The following CNTN3 variants were observed in gnomAD, a reference collection of about 807,000 sequenced individuals.
CNTN3 encodes the protein contactin-3.
Under a neutral mutation model 119.1 loss-of-function variants are expected in CNTN3, and 60 were observed. The observed-to-expected ratio is 0.50, with a 90% CI of 0.41 to 0.62. The LOEUF (loss-of-function observed/expected upper bound fraction) is 0.62. CNTN3 is among the 20% of genes least tolerant of loss of function. CNTN3 has a pLI of 0.00. For missense variants in CNTN3, 1,101 were observed against 1,242.4 expected, an observed-to-expected ratio of 0.89 and a Z score of 1.71; for synonymous variants, 450 against 438.7, an observed-to-expected ratio of 1.03 and a Z score of -0.32.
intron 1 of CNTN3, among the ~76,000 whole-genome samples, chr3:74,595,498 A>G (rs1203985639): frequency 6.6e-6 from 1 of 152,142 alleles, no homozygotes; most frequent in African/African-American, 2.4e-5. Context: ...ACCATGATCA[A>G]GTGGGCTTCA....
chr3:74,267,213 G>C (rs1001309984), intron 21 of CNTN3, 53 bp downstream of exon 21: 3 of 1,137,122 alleles, frequency 2.6e-6, no homozygotes, highest in Admixed American at 3.5e-5. Context: ...AGCTTCTCTT[G>C]AAAAGTACTG....
intron 13 of CNTN3, among the ~76,000 whole-genome samples, chr3:74,320,789 CA>C (rs1034503824): frequency 1.7e-4 from 26 of 152,186 alleles, no homozygotes; most frequent in African/African-American, 5.5e-4. Context: ...ACCTTTAGAG[CA>C]CACTTTTATT....
At chr3:74,397,814 A>C (rs973803737) in intron 5 of CNTN3, among the ~76,000 whole-genome samples, 9 of 152,230 alleles carry the variant, frequency 5.9e-5, no homozygotes, top group African/African-American at 2.2e-4. Flanking sequence ...CAAAACATCA[A>C]CATTAACAGG....
At chr3:74,348,852 T>C (rs1439269671) in intron 11 of CNTN3, among the ~76,000 whole-genome samples, 2 of 151,870 alleles carry the variant, frequency 1.3e-5, no homozygotes, top group African/African-American at 2.4e-5. Flanking sequence ...GAGGCAGAAG[T>C]AGGAGGACTG....
In CNTN3 at chr3:74,262,665, A is replaced by G. The variant is rs1055478447; in HGVS notation, c.*1736T>C. Reference sequence around the variant, plus strand: ...TGAAAGATAAATTTTATACTTTTCAATATGAAACAAAGTGCATATCTCATG... The same window carrying G: ...TGAAAGATAAATTTTATACTTTTCAGTATGAAACAAAGTGCATATCTCATG... On this transcript the variant is annotated 3_prime_UTR_variant, in exon 23 of 23. Coordinates refer to ENST00000263665, the MANE Select transcript of CNTN3 (RefSeq NM_020872.3). 5.9e-5 allele frequency: 9 copies of G among 152,626 alleles called. No individual in the cohort carries two copies. The highest frequency in any genetic ancestry group is 2.2e-4 in the African/African-American group (9 of 41,476). 9.5% of individuals were successfully genotyped at this position (152,626 alleles called of 1,614,324 possible).
intron 13 of CNTN3, among the ~76,000 whole-genome samples, chr3:74,334,123 T>A (rs1023178146): frequency 2.0e-5 from 3 of 152,188 alleles, no homozygotes; most frequent in Admixed American, 2.0e-4. Context: ...TAATGTGGAA[T>A]CATCACAAAA....
Position 74,504,766 on chromosome 3 carries a change from T to C in CNTN3, c.56-4981A>G, listed in dbSNP as rs536368417. On this transcript the variant is annotated intron_variant, in intron 2 of 22. Transcript: ENST00000263665. Reference sequence around the variant, plus strand: ...TGGAGACTGAAAGCTCCAGAGATACTTTCCACAACTCTTTGTCATTCTCGG... The same window carrying C: ...TGGAGACTGAAAGCTCCAGAGATACCTTCCACAACTCTTTGTCATTCTCGG... 2.7e-5 allele frequency among the ~76,000 whole-genome samples: 3 copies of C among 112,718 alleles called. No individual in the cohort carries two copies. In the South Asian group the frequency reaches 7.6e-4, roughly 28 times the overall value. The allele number at this position is 112,718 out of a possible 152,430, so 73.9% of individuals were successfully genotyped here. A position where few individuals can be genotyped will look rare whatever the true frequency, so the allele number is the denominator to read the frequency against.
intron 4 of CNTN3, among the ~76,000 whole-genome samples, chr3:74,477,350 T>G (rs1702676454): frequency 6.6e-6 from 1 of 151,986 alleles, no homozygotes; most frequent in Non-Finnish European, 1.5e-5. Flanking sequence ...TTTTGGCAAA[T>G]GAGGGCAAAA....
At position 74,342,928 on chromosome 3, in the gene CNTN3, G is replaced by C. The variant is rs183246844; in HGVS notation, c.1365-6270C>G. On this transcript the variant is annotated intron_variant, in intron 11 of 22. Coordinates refer to ENST00000263665, the MANE Select transcript of CNTN3 (RefSeq NM_020872.3). The stretch of plus-strand genomic sequence containing the variant: ...AAAAATTATAAATACTCAGACGCAC[G>C]AAGTAGTAACACAAACAAAGGAAAA... 2.5e-3 allele frequency among the ~76,000 whole-genome samples: 388 copies of C among 152,198 alleles called. 10 individuals are homozygous for C. The South Asian group carries it at 0.032, about 13-fold the overall frequency.
intron 1 of CNTN3, among the ~76,000 whole-genome samples, 195 bp from the exon 2 acceptor site, chr3:74,521,387 A>G (rs1703540771): frequency 6.6e-6 from 1 of 151,420 alleles, no homozygotes; most frequent in Admixed American, 6.6e-5. Context: ...ACTCATAGGT[A>G]GATGGAAACG....
intron 1 of CNTN3, among the ~76,000 whole-genome samples, chr3:74,600,909 A>G (rs1320302869): frequency 6.6e-6 from 1 of 152,012 alleles, no homozygotes; most frequent in African/African-American, 2.4e-5. Context: ...TTCCTTGATC[A>G]TTCTACCTCA....
At chr3:74,337,701 CAT>C (rs1703431731) in intron 11 of CNTN3, among the ~76,000 whole-genome samples, 1 of 152,084 alleles carries the variant, frequency 6.6e-6, no homozygotes, top group Admixed American at 6.5e-5. Flanking sequence ...CCTCCCACAA[CAT>C]GTGGGAATTA....
At chr3:74,435,617 G>T (rs954273790) in intron 4 of CNTN3, among the ~76,000 whole-genome samples, 1 of 152,316 alleles carries the variant, frequency 6.6e-6, no homozygotes, top group Admixed American at 6.5e-5. Flanking sequence ...ATGGGGATAT[G>T]AAGGAATTAA....
At chr3:74,505,338 T>C (rs1301041817) in intron 2 of CNTN3, among the ~76,000 whole-genome samples, 1 of 152,034 alleles carries the variant, frequency 6.6e-6, no homozygotes, top group Non-Finnish European at 1.5e-5. Context: ...TTGAAGTAAA[T>C]AAAATGCTGA....
chr3:74,426,769 C>G (rs538630883), intron 4 of CNTN3, among the ~76,000 whole-genome samples: 1 of 152,278 alleles, frequency 6.6e-6, no homozygotes, highest in East Asian at 1.9e-4. Flanking sequence ...TGGAATGTAA[C>G]TAACTGAGTT....
intron 1 of CNTN3, among the ~76,000 whole-genome samples, chr3:74,528,328 G>A (rs1703648318): frequency 6.6e-6 from 1 of 151,628 alleles, no homozygotes; most frequent in South Asian, 2.1e-4. Flanking sequence ...TAATATGAAT[G>A]TTTTTCTGCA....
At chr3:74,554,573 T>G (rs1418069229) in intron 1 of CNTN3, among the ~76,000 whole-genome samples, 1 of 152,248 alleles carries the variant, frequency 6.6e-6, no homozygotes, top group Non-Finnish European at 1.5e-5. Context: ...TCCATTTGTT[T>G]GTGTCCTCTC....
chr3:74,547,524 T>C (rs184488881), intron 1 of CNTN3, among the ~76,000 whole-genome samples: 49 of 152,328 alleles, frequency 3.2e-4, no homozygotes, highest in African/African-American at 1.1e-3. Flanking sequence ...GGCAAACAAA[T>C]GTTATCACTT....
At chr3:74,272,927 C>T (rs1701809201) in intron 20 of CNTN3, among the ~76,000 whole-genome samples, 1 of 151,850 alleles carries the variant, frequency 6.6e-6, no homozygotes, top group African/African-American at 2.4e-5. Flanking sequence ...TTCTACATTG[C>T]TCAGATAAAA....
Sources: gnomAD v4.1 joint callset for allele counts (sites outside exome capture counted in the v4.1 genomes callset) on GRCh38, gnomAD v4.1.1 for gene constraint, MANE v1.5 for transcripts, NCBI Gene and HGNC (gene_info 2026-07-23, HGNC 2026-07-21) for gene names.